Variants in ADGRL4 observed in about 807,000 individuals in gnomAD.
ADGRL4 encodes the protein EGF, latrophilin and seven transmembrane domain containing 1.
In ADGRL4, 90 loss-of-function variants were observed where a neutral mutation model predicts 74.8. The observed-to-expected ratio is 1.20, with a 90% confidence interval of 1.02 to 1.43. The LOEUF (loss-of-function observed/expected upper bound fraction) is 1.43, where lower values mean the gene tolerates loss of function less well. Among genes scored for constraint, ADGRL4 ranks in the 40% most tolerant of loss-of-function variants. The pLI is 0.00. For missense variants in ADGRL4, 881 were observed against 814.3 expected (o/e 1.08, Z -1.00); for synonymous variants, 311 against 279.2 (o/e 1.11, Z -1.14).
chr1:78,954,377 AAAGAT>A (rs1211653391), intron 2 of ADGRL4, among the ~76,000 whole-genome samples: 1 of 152,138 alleles, frequency 6.6e-6, no homozygotes, highest in Non-Finnish European at 1.5e-5. Context: ...AACAGGGAAA[AAAGAT>A]AAAGTAAGCC....
chr1:78,915,108 G>A (rs761081974), intron 12 of ADGRL4, among the ~76,000 whole-genome samples: 13 of 151,774 alleles, frequency 8.6e-5, no homozygotes, highest in East Asian at 1.9e-4. Context: ...CCATTTCTCC[G>A]ACTTATCTTT....
At chr1:78,958,556 A>G (rs1000900657) in intron 2 of ADGRL4, among the ~76,000 whole-genome samples, 1 of 152,184 alleles carries the variant, frequency 6.6e-6, no homozygotes, top group African/African-American at 2.4e-5. Context: ...CTAGAAATGC[A>G]GCCTGAGATG....
intron 7 of ADGRL4, among the ~76,000 whole-genome samples, chr1:78,933,114 G>A (rs564109967): frequency 6.6e-6 from 1 of 151,442 alleles, no homozygotes; most frequent in Non-Finnish European, 1.5e-5. Context: ...AAACCTGGCA[G>A]AGACACAACA....
intron 2 of ADGRL4, among the ~76,000 whole-genome samples, chr1:78,960,823 C>T (rs572531152): frequency 4.2e-4 from 64 of 152,128 alleles, no homozygotes; most frequent in Non-Finnish European, 8.1e-4. Flanking sequence ...AGCAGATCCT[C>T]ACCAGACAAT....
At chr1:78,972,250 C>A (rs927897286) in intron 2 of ADGRL4, among the ~76,000 whole-genome samples, 1 of 152,130 alleles carries the variant, frequency 6.6e-6, no homozygotes, top group African/African-American at 2.4e-5. Context: ...TGGCATATCA[C>A]CATGATGAAA....
intron 2 of ADGRL4, among the ~76,000 whole-genome samples, chr1:78,985,371 T>G (rs79450643): frequency 0.015 from 2,316 of 151,844 alleles, 62 homozygotes; most frequent in African/African-American, 0.053. Flanking sequence ...CCTTGACTTT[T>G]TCAGTGGCTT....
chr1:78,948,866 C>A (rs1378385252), intron 2 of ADGRL4, among the ~76,000 whole-genome samples: 1 of 152,078 alleles, frequency 6.6e-6, no homozygotes, highest in African/African-American at 2.4e-5. Context: ...GTGAATATAT[C>A]TATATTGGGA....
At chr1:78,901,416 G>A (rs1328919368) in intron 12 of ADGRL4, among the ~76,000 whole-genome samples, 1 of 152,100 alleles carries the variant, frequency 6.6e-6, no homozygotes, top group African/African-American at 2.4e-5. Flanking sequence ...GAATATATGT[G>A]TATGTGTTAA....
intron 7 of ADGRL4, among the ~76,000 whole-genome samples, chr1:78,932,522 G>T (rs12564887): frequency 0.12 from 18,015 of 148,684 alleles, 1,473 homozygotes; most frequent in East Asian, 0.25. Context: ...AGCTAGAGAA[G>T]CAAGAGCAAA....
intron 2 of ADGRL4, among the ~76,000 whole-genome samples, chr1:78,962,173 G>A (rs1649967159): frequency 6.6e-6 from 1 of 152,104 alleles, no homozygotes; most frequent in Admixed American, 6.5e-5. Flanking sequence ...GAGCCACCGG[G>A]CCCGGCCTTC....
chr1:78,920,294 C>T lies in ADGRL4; in HGVS notation c.1350G>A (p.Trp450Ter), dbSNP rs755271420. 2 of 1,611,568 alleles carry T rather than the reference C, an allele frequency of 1.2e-6. No homozygotes were observed. Among genetic ancestry groups the T allele is most frequent in the Admixed American group, 1.7e-5 (1 of 59,834 alleles). The change falls in exon 10 of 15, where the codon TGG becomes TGA. Residue 450 changes from tryptophan (W) to a stop codon, truncating the protein, a stop_gained. Coordinates refer to ENST00000370742, the MANE Select transcript of ADGRL4 (RefSeq NM_022159.4). LOFTEE classifies it high-confidence loss of function. ...TGGTGCTTTGAATTTCACTGAAGAA[C>T]CAGAAGGTAAAAATGCATATGGCAA... is the stretch of plus-strand genomic sequence containing the variant. Reference protein sequence around the residue: ...ICLAICIFTFWFFSEIQSTRT... With the variant: ...ICLAICIFTF
chr1:78,923,820 C>T (rs1649051079), intron 8 of ADGRL4, among the ~76,000 whole-genome samples: 1 of 150,496 alleles, frequency 6.6e-6, no homozygotes, highest in African/African-American at 2.5e-5. Context: ...AGTTTAAAAA[C>T]TCCAAATATT....
At chr1:78,936,432 T>A in intron 6 of ADGRL4, 21 bp from the exon 7 acceptor site, 1 of 1,544,454 alleles carries the variant, frequency 6.5e-7, no homozygotes, top group Non-Finnish European at 8.7e-7. Context: ...ACCATGAAAA[T>A]AAAAAAAGTG....
chr1:78,984,868 T>C (rs1302729600), intron 2 of ADGRL4, among the ~76,000 whole-genome samples: 1 of 151,596 alleles, frequency 6.6e-6, no homozygotes, highest in Non-Finnish European at 1.5e-5. Context: ...TAGAACAGAA[T>C]GTCAACGCTA....
At chr1:78,916,735 G>C (rs1026684166) in intron 12 of ADGRL4, among the ~76,000 whole-genome samples, 4 of 151,726 alleles carry the variant, frequency 2.6e-5, no homozygotes, top group African/African-American at 9.7e-5. Context: ...GACAGAAAAA[G>C]AAATTCAAAA....
chr1:78,917,467 G>T (rs1216218134), intron 12 of ADGRL4, among the ~76,000 whole-genome samples, 167 bp downstream of exon 12: 1 of 150,876 alleles, frequency 6.6e-6, no homozygotes, highest in African/African-American at 2.4e-5. Flanking sequence ...TGATTTAAAA[G>T]ATATACATGT....
At chr1:78,892,475 C>A (rs368194766) in intron 13 of ADGRL4, among the ~76,000 whole-genome samples, 1 of 152,004 alleles carries the variant, frequency 6.6e-6, no homozygotes, top group African/African-American at 2.4e-5. Flanking sequence ...AGCAGTGTAC[C>A]TCAGAAAATG....
Position 78,935,676 on chromosome 1 carries a change from G to A in ADGRL4, c.877+619C>T, listed in dbSNP as rs1316666844. On this transcript the variant is annotated intron_variant, in intron 7 of 14. Coordinates refer to ENST00000370742, the MANE Select transcript of ADGRL4 (RefSeq NM_022159.4). ...CAAATATAGTGACTTTGCTGTATAAGGAGTAGTAAAATCAGAGCTCTTTTG... is the reference window on the plus strand; with the variant it reads ...CAAATATAGTGACTTTGCTGTATAAAGAGTAGTAAAATCAGAGCTCTTTTG... Among the ~76,000 whole-genome samples, 7 of 152,196 alleles carry A rather than the reference G, an allele frequency of 4.6e-5. No individual in the cohort carries two copies. In the East Asian group the frequency reaches 1.4e-3, roughly 29 times the overall value.
chr1:78,956,462 C>A (rs1649831278), intron 2 of ADGRL4, among the ~76,000 whole-genome samples: 1 of 152,142 alleles, frequency 6.6e-6, no homozygotes, highest in Admixed American at 6.6e-5. Context: ...GTTCATCTTG[C>A]CATCATACTG....
Sources: gnomAD v4.1 joint callset for allele counts (sites outside exome capture counted in the v4.1 genomes callset) on GRCh38, gnomAD v4.1.1 for gene constraint, MANE v1.5 for transcripts, NCBI Gene and HGNC (gene_info 2026-07-23, HGNC 2026-07-21) for gene names.